Variants in HYDIN observed in about 807,000 individuals in gnomAD.
HYDIN encodes axonemal central pair apparatus protein HYDIN.
Under a neutral mutation model 403.9 loss-of-function variants are expected in HYDIN, and 132 were observed. The ratio of observed to expected loss-of-function variants is 0.33; its 90% confidence interval spans 0.28 to 0.38. The LOEUF (loss-of-function observed/expected upper bound fraction) is 0.38. HYDIN is among the 10% of genes least tolerant of loss of function. HYDIN has a pLI of 1.00. For missense variants in HYDIN, 2,827 were observed against 5,009.5 expected (o/e 0.56, Z 13.15); for synonymous variants, 1,202 against 1,891.7 (o/e 0.64, Z 9.46).
chr16:71,203,641 G>C, intron 1 of HYDIN: 1 of 418,506 alleles, frequency 2.4e-6, no homozygotes, highest in South Asian at 1.7e-5. Flanking sequence ...TGGATCTCTG[G>C]ATTAGGTAAC....
intron 77 of HYDIN, among the ~76,000 whole-genome samples, chr16:70,836,706 T>C (rs1476950627): frequency 6.6e-6 from 1 of 152,174 alleles, no homozygotes; most frequent in African/African-American, 2.4e-5. Flanking sequence ...CACCCAACTA[T>C]CTTTAAACCC....
intron 1 of HYDIN, chr16:71,203,778 G>A (rs762533865): frequency 2.0e-5 from 9 of 455,930 alleles, no homozygotes; most frequent in South Asian, 1.4e-4. Flanking sequence ...CATCCAGAAT[G>A]TGTGAGTCCA....
chr16:71,024,297 C>T (rs1435145081), intron 21 of HYDIN, among the ~76,000 whole-genome samples: 1 of 152,216 alleles, frequency 6.6e-6, no homozygotes, highest in African/African-American at 2.4e-5. Context: ...CTAACTCGAG[C>T]CCTTCATGTG....
chr16:71,037,255 G>C (rs981879511), intron 18 of HYDIN, among the ~76,000 whole-genome samples: 1 of 144,198 alleles, frequency 6.9e-6, no homozygotes, highest in African/African-American at 2.5e-5. Flanking sequence ...CCTCAAGAAC[G>C]AAAGCTATCG....
intron 23 of HYDIN, among the ~76,000 whole-genome samples, chr16:70,998,275 G>T (rs1264135611): frequency 1.3e-5 from 2 of 151,570 alleles, no homozygotes; most frequent in Non-Finnish European, 1.5e-5. Flanking sequence ...GAAAGAAAAT[G>T]TCAATATTCT....
chr16:71,223,049 C>T (rs1273642604), intron 1 of HYDIN, among the ~76,000 whole-genome samples: 1 of 152,130 alleles, frequency 6.6e-6, no homozygotes, highest in African/African-American at 2.4e-5. Context: ...AATCTAGAGG[C>T]ATCACATTAC....
intron 10 of HYDIN, among the ~76,000 whole-genome samples, chr16:71,102,211 A>T (rs1353730914): frequency 6.6e-6 from 1 of 151,988 alleles, no homozygotes; most frequent in South Asian, 2.1e-4. Flanking sequence ...CTCTGCAGGA[A>T]ACAGAAGGAC....
At chr16:71,049,026 C>A (rs1371391047) in intron 18 of HYDIN, among the ~76,000 whole-genome samples, 5 of 152,222 alleles carry the variant, frequency 3.3e-5, no homozygotes, top group Admixed American at 6.5e-5. Context: ...ATGTCCCTTA[C>A]ATAGAAAAAG....
intron 18 of HYDIN, among the ~76,000 whole-genome samples, chr16:71,055,329 A>C (rs1437619148): frequency 6.6e-6 from 1 of 152,168 alleles, no homozygotes; most frequent in Non-Finnish European, 1.5e-5. Context: ...GAATTGTAGA[A>C]AATGAAATAC....
chr16:71,046,522 ATTGT>A (rs1343562066), intron 18 of HYDIN, among the ~76,000 whole-genome samples: 1 of 151,904 alleles, frequency 6.6e-6, no homozygotes, highest in African/African-American at 2.4e-5. Flanking sequence ...CACAAAACTT[ATTGT>A]TGCATGCAAT....
intron 60 of HYDIN, among the ~76,000 whole-genome samples, chr16:70,881,173 C>T (rs1478781129): frequency 1.5e-5 from 2 of 134,580 alleles, no homozygotes. Flanking sequence ...CTGCAGTGAG[C>T]CATGATGGCG....
intron 21 of HYDIN, among the ~76,000 whole-genome samples, chr16:71,021,972 T>C (rs1211428412): frequency 1.3e-5 from 2 of 151,876 alleles, no homozygotes; most frequent in Non-Finnish European, 2.9e-5. Flanking sequence ...AGGGTGACTT[T>C]AGGGATTAGG....
intron 23 of HYDIN, among the ~76,000 whole-genome samples, chr16:71,015,338 A>C (rs1484031121): frequency 6.6e-6 from 1 of 152,178 alleles, no homozygotes; most frequent in Non-Finnish European, 1.5e-5. Flanking sequence ...TATCATCTTC[A>C]GTAGTGGCCA....
intron 9 of HYDIN, among the ~76,000 whole-genome samples, chr16:71,127,551 CAT>C (rs1449648282): frequency 6.8e-6 from 1 of 146,626 alleles, no homozygotes; most frequent in African/African-American, 2.5e-5. Context: ...TGGAAGGAAA[CAT>C]AAGGAGAAGC....
rs1441685829 is a variant in HYDIN at position 70,807,924 on chromosome 16, G to A, written c.15022C>T (p.Leu5008Phe). 10 of 1,614,068 alleles carry A rather than the reference G, an allele frequency of 6.2e-6. No homozygotes were observed. The highest frequency in any genetic ancestry group is 3.3e-4 in the Middle Eastern group (2 of 6,084). The change falls in exon 86 of 86, where the codon CTC becomes TTC. Residue 5008 changes from leucine (L) to phenylalanine (F), a missense_variant. Physicochemically the swap from Leu to Phe is conservative, Grantham distance 22. Coordinates refer to ENST00000393567, the MANE Select transcript of HYDIN (RefSeq NM_001270974.2). Reference sequence around the variant, plus strand: ...GGGATGATATACTCTCCACCTGCGAGCGATGATAGGATCAGGATGCCCTTG... The same window carrying A: ...GGGATGATATACTCTCCACCTGCGAACGATGATAGGATCAGGATGCCCTTG... Reference protein sequence around the residue: ...ETKGILILSSLAGGEYIIPLF... With the variant: ...ETKGILILSSFAGGEYIIPLF...
chr16:71,012,232 G>C (rs951099536), intron 23 of HYDIN, among the ~76,000 whole-genome samples: 2 of 152,292 alleles, frequency 1.3e-5, no homozygotes, highest in African/African-American at 2.4e-5. Context: ...TGAAGAGATG[G>C]ACCTAATAAA....
At chr16:70,849,410 A>G (rs1597116005) in intron 75 of HYDIN, among the ~76,000 whole-genome samples, 1 of 151,152 alleles carries the variant, frequency 6.6e-6, no homozygotes, top group Non-Finnish European at 1.5e-5. Context: ...TGACATCACC[A>G]TTCTTTTTTT....
intron 73 of HYDIN, among the ~76,000 whole-genome samples, chr16:70,853,303 GTTTTTTTTCTT>G (rs1402259924): frequency 6.6e-6 from 1 of 151,260 alleles, no homozygotes; most frequent in Admixed American, 6.6e-5. Flanking sequence ...CATTTTCACC[GTTTTTTTTCTT>G]TTTTTTTTCT....
intron 9 of HYDIN, among the ~76,000 whole-genome samples, chr16:71,126,013 G>A (rs1437315991): frequency 6.6e-6 from 1 of 151,758 alleles, no homozygotes; most frequent in Non-Finnish European, 1.5e-5. Context: ...GGGAGTCTGT[G>A]GTCACAGGGA....
Sources: allele counts gnomAD v4.1 joint callset (sites outside exome capture counted in the v4.1 genomes callset), GRCh38; gene constraint gnomAD v4.1.1; transcripts MANE v1.5; gene names NCBI Gene and HGNC (gene_info 2026-07-23, HGNC 2026-07-21).